The following KHDRBS2 variants were observed in gnomAD, a reference collection of about 807,000 sequenced individuals.
KHDRBS2 encodes KH RNA binding domain containing, signal transduction associated 2, also known as KH domain-containing, RNA-binding, signal transduction-associated protein 2.
In KHDRBS2, 26 loss-of-function variants were observed where a neutral mutation model predicts 44.3. That is an observed-to-expected ratio of 0.59 (90% CI 0.43 to 0.81). The LOEUF (loss-of-function observed/expected upper bound fraction) is 0.81. Ranked by LOEUF, KHDRBS2 falls within the 40% of genes least tolerant of loss-of-function variation. The pLI is 0.00. For synonymous variants in KHDRBS2, 194 were observed against 151.1 expected (o/e 1.28, Z -2.08); for missense variants, 476 against 433.1 (o/e 1.10, Z -0.88).
At chr6:62,262,265 T>C (rs911694045) in intron 1 of KHDRBS2, among the ~76,000 whole-genome samples, 2 of 151,764 alleles carry the variant, frequency 1.3e-5, no homozygotes, top group African/African-American at 4.8e-5. Context: ...TGGATAACTC[T>C]GGAAATACAA....
At chr6:61,557,761 T>C in the KHDRBS2 span, among the ~76,000 whole-genome samples, 20 of 152,290 alleles carry the variant, frequency 1.3e-4, no homozygotes, top group East Asian at 3.9e-3. Context: ...AGTGAAGCTA[T>C]TGGGTCCTGG....
At chr6:61,678,882 C>T (rs561389072), downstream of KHDRBS2, 1 of 151,944 alleles carries the variant, frequency 6.6e-6, no homozygotes, top group East Asian at 1.9e-4. Flanking sequence ...AAAAAATAAG[C>T]TTACCTCCAT....
At chr6:61,925,738 A>G (rs1808846444) in intron 4 of KHDRBS2, among the ~76,000 whole-genome samples, 3 of 151,828 alleles carry the variant, frequency 2.0e-5, no homozygotes, top group Admixed American at 6.6e-5. Context: ...AAAAAAAAAA[A>G]AAAGAAATTT....
At chr6:61,930,546 G>GAAAAAAAAAAAAAAAAAAAAA (rs1439236595) in intron 4 of KHDRBS2, among the ~76,000 whole-genome samples, 6 of 47,600 alleles carry the variant, frequency 1.3e-4, no homozygotes, top group Admixed American at 3.9e-4. Context: ...AAAAAAAAAA[G>GAAAAAAAAAAAAAAAAAAAAA]AAAAAAAAAA....
In KHDRBS2 at chr6:62,198,799, G is replaced by T. The variant is rs1264533069; in HGVS notation, c.92-21487C>A. 3.3e-5 allele frequency among the ~76,000 whole-genome samples: 5 copies of T among 152,076 alleles called. No homozygotes were observed. In the East Asian group the frequency reaches 9.7e-4, roughly 29 times the overall value. The stretch of plus-strand genomic sequence containing the variant: ...ACACAACAGAAAAAAGAGAATTTTA[G>T]ACCAATATCCCTGATGAACATTGAT... On this transcript the variant is annotated intron_variant, in intron 1 of 8. Coordinates refer to ENST00000281156, the MANE Select transcript of KHDRBS2 (RefSeq NM_152688.4).
chr6:61,566,914 C>T, the KHDRBS2 span, among the ~76,000 whole-genome samples: 1 of 152,116 alleles, frequency 6.6e-6, no homozygotes, highest in Non-Finnish European at 1.5e-5. Context: ...TCAAGAAAGA[C>T]TTTCTTTAAG....
chr6:61,934,625 C>G (rs758550898), intron 4 of KHDRBS2, among the ~76,000 whole-genome samples: 7 of 151,974 alleles, frequency 4.6e-5, no homozygotes, highest in Non-Finnish European at 7.4e-5. Context: ...ATTTTCTTGA[C>G]TAACAGAAAA....
chr6:62,149,729 T>C (rs1031717739), intron 2 of KHDRBS2, among the ~76,000 whole-genome samples: 1 of 152,148 alleles, frequency 6.6e-6, no homozygotes, highest in Non-Finnish European at 1.5e-5. Context: ...GGTGCAGTGA[T>C]TTAAGAACTT....
At chr6:62,013,600 T>TA (rs752961133) in intron 3 of KHDRBS2, among the ~76,000 whole-genome samples, 15 of 152,104 alleles carry the variant, frequency 9.9e-5, no homozygotes, top group Non-Finnish European at 1.8e-4. Context: ...ATTACATTAT[T>TA]ATTATAAAAA....
intron 2 of KHDRBS2, among the ~76,000 whole-genome samples, chr6:62,102,036 T>C (rs1219919164): frequency 4.6e-5 from 7 of 152,226 alleles, no homozygotes; most frequent in Admixed American, 3.3e-4. Context: ...AGTTATGTCA[T>C]TGTTTCAGGT....
At chr6:61,821,519 G>A (rs1407317) in intron 6 of KHDRBS2, among the ~76,000 whole-genome samples, 54,027 of 151,604 alleles carry the variant, frequency 0.36, 10,454 homozygotes, top group African/African-American at 0.52. Flanking sequence ...TGCTGAGAGC[G>A]TATAAAAGGT....
At chr6:62,041,362 G>T (rs1017347138) in intron 3 of KHDRBS2, among the ~76,000 whole-genome samples, 7 of 151,998 alleles carry the variant, frequency 4.6e-5, no homozygotes, top group African/African-American at 1.4e-4. Context: ...TTTCAGATCA[G>T]CAGTAAAGCT....
intron 3 of KHDRBS2, among the ~76,000 whole-genome samples, chr6:62,012,691 C>T (rs753059505): frequency 8.5e-5 from 13 of 152,138 alleles, no homozygotes; most frequent in Non-Finnish European, 1.5e-4. Flanking sequence ...CCTCACATGG[C>T]TGGCTTTTTG....
intron 6 of KHDRBS2, among the ~76,000 whole-genome samples, chr6:61,866,250 C>T (rs907165314): frequency 3.3e-5 from 5 of 152,206 alleles, no homozygotes; most frequent in African/African-American, 9.6e-5. Context: ...AGTTTCCATA[C>T]ATCCTGTGAA....
intron 4 of KHDRBS2, among the ~76,000 whole-genome samples, chr6:61,921,691 C>T (rs779872010): frequency 3.7e-4 from 56 of 151,900 alleles, no homozygotes; most frequent in Non-Finnish European, 3.8e-4. Flanking sequence ...AATTAGTTTT[C>T]CACAGCATAC....
chr6:61,633,448 C>A, the KHDRBS2 span, among the ~76,000 whole-genome samples: 1 of 151,960 alleles, frequency 6.6e-6, no homozygotes, highest in African/African-American at 2.4e-5. Flanking sequence ...TAGGTAATTT[C>A]TAAGATTATT....
At chr6:61,786,669 T>A (rs2344107) in intron 6 of KHDRBS2, among the ~76,000 whole-genome samples, 32,967 of 151,796 alleles carry the variant, frequency 0.22, 4,039 homozygotes, top group African/African-American at 0.32. Flanking sequence ...ACCTAATAAT[T>A]CTATATTGGT....
chr6:61,601,007 C>T, the KHDRBS2 span, among the ~76,000 whole-genome samples: 179 of 152,246 alleles, frequency 1.2e-3, no homozygotes, highest in Non-Finnish European at 6.2e-4. Flanking sequence ...ACTGCAGGGA[C>T]GTCTGCCTGA....
At chr6:62,140,624 C>T (rs1419051852) in intron 2 of KHDRBS2, among the ~76,000 whole-genome samples, 1 of 152,160 alleles carries the variant, frequency 6.6e-6, no homozygotes, top group Non-Finnish European at 1.5e-5. Context: ...TTACCATCCA[C>T]ACTTTCCGTT....
Sources: gnomAD v4.1 joint callset for allele counts (sites outside exome capture counted in the v4.1 genomes callset) on GRCh38, gnomAD v4.1.1 for gene constraint, MANE v1.5 for transcripts, NCBI Gene and HGNC (gene_info 2026-07-23, HGNC 2026-07-21) for gene names.